METTL15: variants seen among roughly 807,000 people sequenced by gnomAD.
METTL15 encodes methyltransferase 15, mitochondrial 12S rRNA N4-cytidine, also known as 12S rRNA N(4)-cytidine methyltransferase METTL15.
A neutral mutation model predicts 38.3 loss-of-function variants in METTL15; 34 were observed. The observed-to-expected ratio is 0.89, with a 90% CI of 0.68 to 1.18. METTL15 has a LOEUF of 1.18. Ranked by LOEUF, METTL15 falls within the 50% of genes most tolerant of loss-of-function variation. The pLI is 0.00. For missense variants in METTL15, 438 were observed against 498.4 expected (o/e 0.88, Z 1.15); for synonymous variants, 162 against 170.9 (o/e 0.95, Z 0.41).
chr11:28,334,943 C>A (rs1240524110), downstream of METTL15, among the ~76,000 whole-genome samples: 1 of 152,094 alleles, frequency 6.6e-6, no homozygotes, highest in African/African-American at 2.4e-5. Flanking sequence ...TTTAATATTT[C>A]AATATGCACA....
intron 6 of METTL15, among the ~76,000 whole-genome samples, chr11:28,495,781 GA>G (rs112186450): frequency 0.025 from 3,336 of 133,278 alleles, 58 homozygotes; most frequent in Middle Eastern, 0.039. Context: ...TTTTTTGATA[GA>G]AAAAAAAAAA....
chr11:28,304,622 A>G lies in METTL15; in HGVS notation c.778+7691A>G, dbSNP rs568973868. Among the ~76,000 whole-genome samples, 536 of 152,254 alleles carry G rather than the reference A, an allele frequency of 3.5e-3. 10 individuals carry two copies. Among genetic ancestry groups the G allele is most frequent in the Non-Finnish European group, 1.1e-3 (74 of 68,016 alleles). On this transcript the variant is annotated intron_variant, in intron 6 of 6. Transcript: ENST00000407364. ...TCCCAGCTACTCAGGAGGCTGAGGC[A>G]TGAGAATCACTTGAACCCGGGAGCT...
Position 28,330,682 on chromosome 11 carries a change from A to T in METTL15, c.1065A>T (p.Gln355His), listed in dbSNP as rs539184623. 2 of 1,551,486 alleles carry T rather than the reference A, an allele frequency of 1.3e-6. No individual in the cohort carries two copies. Residue 355 changes from glutamine (Q) to histidine (H), a missense_variant, in exon 7 of 7, where the codon CAA becomes CAT. Gln to His is a conservative substitution (Grantham distance 24). Transcript: ENST00000407364. ...SVRQQVMKTS[Q>H]LGSDHENTEE... Reference sequence around the variant, plus strand: ...GACAACAAGTGATGAAAACATCTCAATTGGGTTCAGATCACGAAAACACGG... The same window carrying T: ...GACAACAAGTGATGAAAACATCTCATTTGGGTTCAGATCACGAAAACACGG...
At chr11:28,372,197 T>A (rs1850250687) in intron 5 of METTL15, among the ~76,000 whole-genome samples, 2 of 152,066 alleles carry the variant, frequency 1.3e-5, no homozygotes, top group African/African-American at 4.8e-5. Context: ...GATGTTGAAT[T>A]TTATTAAATA....
At chr11:28,326,772 TGTTTTTGTTTTTTG>T (rs1849648360) in intron 6 of METTL15, among the ~76,000 whole-genome samples, 2 of 151,754 alleles carry the variant, frequency 1.3e-5, no homozygotes, top group African/African-American at 2.4e-5. Flanking sequence ...TTTTTGTTTT[TGTTTTTGTTTTTTG>T]GTTTTTGTTT....
chr11:28,149,372 G>A (rs1849999504), intron 3 of METTL15, among the ~76,000 whole-genome samples: 1 of 151,688 alleles, frequency 6.6e-6, no homozygotes, highest in African/African-American at 2.4e-5. Flanking sequence ...GTGTGGCAGG[G>A]GTGAGTGGTG....
chr11:28,141,018 C>G (rs1565120115), intron 3 of METTL15, among the ~76,000 whole-genome samples: 1 of 152,084 alleles, frequency 6.6e-6, no homozygotes, highest in South Asian at 2.1e-4. Context: ...TGCCCGATGC[C>G]CAGAAAGTTA....
chr11:28,307,089 T>G (rs1165277710), intron 6 of METTL15, among the ~76,000 whole-genome samples: 2 of 151,952 alleles, frequency 1.3e-5, no homozygotes, highest in Non-Finnish European at 2.9e-5. Context: ...TTCAGATGAC[T>G]GTATATTGCC....
At chr11:28,304,808 C>T (rs1857026019) in intron 6 of METTL15, among the ~76,000 whole-genome samples, 1 of 152,150 alleles carries the variant, frequency 6.6e-6, no homozygotes, top group Admixed American at 6.5e-5. Flanking sequence ...GATAATTTGA[C>T]ATCCTTTTAT....
chr11:28,451,169 G>T (rs1331379801), intron 6 of METTL15, among the ~76,000 whole-genome samples: 1 of 152,192 alleles, frequency 6.6e-6, no homozygotes, highest in Admixed American at 6.5e-5. Flanking sequence ...CTTACGGGAA[G>T]AGCGGAGAAC....
intron 6 of METTL15, among the ~76,000 whole-genome samples, chr11:28,502,891 ATAG>A (rs1299845573): frequency 1.5e-4 from 23 of 152,178 alleles, no homozygotes; most frequent in African/African-American, 7.2e-5. Context: ...ATCACTTCAA[ATAG>A]TAGTCATAAT....
chr11:28,124,106 T>C (rs1013475646), intron 3 of METTL15, among the ~76,000 whole-genome samples: 1 of 152,182 alleles, frequency 6.6e-6, no homozygotes, highest in African/African-American at 2.4e-5. Context: ...CTCTAATGCA[T>C]ATGTTTTACT....
At chr11:28,196,880 C>T (rs768547491) in intron 3 of METTL15, among the ~76,000 whole-genome samples, 9 of 151,724 alleles carry the variant, frequency 5.9e-5, no homozygotes, top group Non-Finnish European at 1.0e-4. Context: ...TTAAATTGGC[C>T]TATTGTTCAA....
chr11:28,415,863 T>C (rs1425181249), intron 5 of METTL15, among the ~76,000 whole-genome samples: 2 of 152,160 alleles, frequency 1.3e-5, no homozygotes, highest in Admixed American at 6.5e-5. Context: ...GGGTTTATTA[T>C]AGGATACAAG....
intron 5 of METTL15, among the ~76,000 whole-genome samples, chr11:28,365,311 T>C (rs1322326856): frequency 6.6e-6 from 1 of 152,190 alleles, no homozygotes; most frequent in Non-Finnish European, 1.5e-5. Context: ...TCCAGGGCTC[T>C]TTCTGATTGG....
At chr11:28,444,528 G>A (rs1482857924) in intron 6 of METTL15, among the ~76,000 whole-genome samples, 1 of 152,166 alleles carries the variant, frequency 6.6e-6, no homozygotes, top group Non-Finnish European at 1.5e-5. Flanking sequence ...GAATTGGGAT[G>A]CCATGTAGTA....
intron 6 of METTL15, among the ~76,000 whole-genome samples, chr11:28,490,661 T>C (rs903579262): frequency 1.4e-4 from 22 of 152,104 alleles, no homozygotes; most frequent in African/African-American, 4.3e-4. Flanking sequence ...TTTAATTGAA[T>C]ACATTTTGAG....
At chr11:28,380,333 A>G (rs1483655873) in intron 5 of METTL15, among the ~76,000 whole-genome samples, 3 of 151,896 alleles carry the variant, frequency 2.0e-5, no homozygotes, top group Non-Finnish European at 4.4e-5. Flanking sequence ...ACGCCCGGCT[A>G]AGTTTTTCGT....
At chr11:28,304,265 G>T (rs1857005416) in intron 6 of METTL15, among the ~76,000 whole-genome samples, 1 of 152,118 alleles carries the variant, frequency 6.6e-6, no homozygotes, top group African/African-American at 2.4e-5. Context: ...TTGTAGGAAG[G>T]AGAAGAATAA....
Sources: allele counts gnomAD v4.1 joint callset (sites outside exome capture counted in the v4.1 genomes callset), GRCh38; gene constraint gnomAD v4.1.1; transcripts MANE v1.5; gene names NCBI Gene and HGNC (gene_info 2026-07-23, HGNC 2026-07-21).